The following RYR3 variants were observed in gnomAD, a reference collection of about 807,000 sequenced individuals.
RYR3 encodes brain ryanodine receptor-calcium release channel.
Under a neutral mutation model 584.3 loss-of-function variants are expected in RYR3, and 207 were observed. The observed-to-expected ratio is 0.35, with a 90% confidence interval of 0.32 to 0.40. The LOEUF (loss-of-function observed/expected upper bound fraction) is 0.40, where lower values mean the gene tolerates loss of function less well. Ranked by LOEUF, RYR3 falls within the 10% of genes least tolerant of loss-of-function variation. The pLI is 1.00. For synonymous variants in RYR3, 2,416 were observed against 2,248.5 expected (o/e 1.07, Z -2.11); for missense variants, 5,616 against 6,089.2 (o/e 0.92, Z 2.59).
intron 94 of RYR3, 91 bp downstream of exon 94, chr15:33,848,512 T>C: frequency 7.0e-7 from 1 of 1,429,532 alleles, no homozygotes. Flanking sequence ...AACTGGTTAA[T>C]ATAAACTGTC....
At chr15:33,341,884 A>G (rs1409381550) in intron 1 of RYR3, among the ~76,000 whole-genome samples, 1 of 152,104 alleles carries the variant, frequency 6.6e-6, no homozygotes, top group Non-Finnish European at 1.5e-5. Flanking sequence ...ATTGTAAGTC[A>G]TTTCTAGACC....
Position 33,864,207 on chromosome 15 carries a change from A to C in RYR3, c.14517+18A>C. The stretch of plus-strand genomic sequence containing the variant: ...CGGGTCAGGTGAGAAATTAAGAATC[A>C]TATACCCGTGTTAGATCTCCCTTTC... On this transcript the variant is annotated intron_variant, in intron 103 of 103. Transcript: ENST00000634891. The C allele has an allele frequency of 6.3e-7, 1 of 1,595,286 alleles. No individual in the cohort carries two copies. Among genetic ancestry groups the C allele is most frequent in the Non-Finnish European group, 8.6e-7 (1 of 1,166,642 alleles).
At chr15:33,486,979 C>T (rs1334697645) in intron 2 of RYR3, among the ~76,000 whole-genome samples, 1 of 152,114 alleles carries the variant, frequency 6.6e-6, no homozygotes, top group African/African-American at 2.4e-5. Flanking sequence ...AGATGGATCA[C>T]ATGAGGCCAG....
In RYR3 at chr15:33,390,364, GAACACTAATATTTCCA is replaced by G. The variant is rs974679934; in HGVS notation, c.51+79275_51+79290del. 2.0e-5 allele frequency among the ~76,000 whole-genome samples: 3 copies of G among 152,134 alleles called. No individual in the cohort carries two copies. The highest frequency in any genetic ancestry group is 4.4e-5 in the Non-Finnish European group (3 of 68,026). ...GTCTCTAAATTTCACCTGACCTATTGAACACTAATATTTCCAAACACTGATATTTCCAAACTGATAT... is the reference window on the plus strand; with the variant it reads ...GTCTCTAAATTTCACCTGACCTATTGAACACTGATATTTCCAAACTGATAT... On this transcript the variant is annotated intron_variant, in intron 1 of 103. Transcript: ENST00000634891. This position sits in a 1 kb window ranked among gnomAD's most constrained non-coding sequence, Gnocchi z 4.2.
At chr15:33,336,444 G>T (rs796664996) in intron 1 of RYR3, among the ~76,000 whole-genome samples, 1 of 11,780 alleles carries the variant, frequency 8.5e-5, no homozygotes, top group East Asian at 3.0e-3. Flanking sequence ...GAAAGAAAGA[G>T]AGAGAGAGAG....
At chr15:33,388,423 T>C (rs753946223) in intron 1 of RYR3, among the ~76,000 whole-genome samples, 4 of 152,050 alleles carry the variant, frequency 2.6e-5, no homozygotes, top group Non-Finnish European at 1.5e-5. Flanking sequence ...TTACTGACAA[T>C]TAGTTATGAT....
rs1401643589 is a variant in RYR3, at chr15:33,825,651, G to A, written c.11121G>A (p.Leu3707=). The part of the protein sequence containing the change: ...AFERQNKAEG[L]GMVTEEGTLI... ...AGAGGCAGAATAAAGCTGAAGGCCT[G>A]GGGATGGTGACTGAAGAAGGAACAC... is the stretch of plus-strand genomic sequence containing the variant. Residue 3707 remains leucine, a synonymous_variant, in exon 82 of 104, where the codon CTG becomes CTA. Coordinates refer to ENST00000634891, the MANE Select transcript of RYR3 (RefSeq NM_001036.6). 2 of 1,611,366 alleles carry A rather than the reference G, an allele frequency of 1.2e-6. No homozygotes were observed. Among genetic ancestry groups the A allele is most frequent in the South Asian group, 2.2e-5 (2 of 90,978 alleles).
rs143399914 is a variant in RYR3 at position 33,440,589 on chromosome 15, G to A, written c.52-32830G>A. Among the ~76,000 whole-genome samples the A allele has an allele frequency of 1.1e-3, 171 of 152,274 alleles. 2 individuals carry two copies. The highest frequency in any genetic ancestry group is 3.9e-3 in the African/African-American group (162 of 41,552). On this transcript the variant is annotated intron_variant, in intron 1 of 103. Transcript: ENST00000634891. Reference sequence around the variant, plus strand: ...TGCACAGAGCAGCCTTCATAACAAAGAATGATCTGATCCAAAATGTCAGTA... The same window carrying A: ...TGCACAGAGCAGCCTTCATAACAAAAAATGATCTGATCCAAAATGTCAGTA...
chr15:33,734,910 C>A (rs139500896), intron 48 of RYR3, among the ~76,000 whole-genome samples: 3 of 151,928 alleles, frequency 2.0e-5, no homozygotes, highest in Admixed American at 6.6e-5. Flanking sequence ...AGGCTGGTCT[C>A]GAACTCCTGA....
At chr15:33,853,769 T>TTGTTCTCTCAGGCTGTGGTCTGGCTTAGG (rs2079351520) in intron 96 of RYR3, 87 bp downstream of exon 96, 1 of 1,513,906 alleles carries the variant, frequency 6.6e-7, no homozygotes, top group Admixed American at 2.0e-5. Flanking sequence ...AACCGTGTCT[T>TTGTTCTCTCAGGCTGTGGTCTGGCTTAGG]TGTTCTCTCA....
At chr15:33,632,219 C>T (rs902020365) in intron 23 of RYR3, among the ~76,000 whole-genome samples, 1 of 152,244 alleles carries the variant, frequency 6.6e-6, no homozygotes, top group African/African-American at 2.4e-5. Context: ...CTGGCCCTGG[C>T]CTAGGCAGTC....
intron 2 of RYR3, among the ~76,000 whole-genome samples, chr15:33,497,675 T>A (rs1168009748): frequency 3.9e-5 from 6 of 152,250 alleles, no homozygotes; most frequent in Admixed American, 2.0e-4. Flanking sequence ...CAAATCAGGC[T>A]AATTAGCACA....
At chr15:33,671,082 C>T (rs75847749) in intron 38 of RYR3, among the ~76,000 whole-genome samples, 1 of 152,102 alleles carries the variant, frequency 6.6e-6, no homozygotes, top group South Asian at 2.1e-4. Context: ...TATTTTTCAA[C>T]AATGCCGAGC....
chr15:33,788,268 C>A lies in RYR3; in HGVS notation c.9640C>A (p.His3214Asn). 17 of 1,613,990 alleles carry A rather than the reference C, an allele frequency of 1.1e-5. No homozygotes were observed. Among genetic ancestry groups the A allele is most frequent in the Non-Finnish European group, 1.4e-5 (17 of 1,179,868 alleles). Residue 3214 changes from histidine to asparagine, a missense_variant, in exon 67 of 104, where the codon CAC becomes AAC. By Grantham distance (68) the His-to-Asn change is moderately conservative. Around this residue, in one of 9 missense-constraint regions of RYR3, gnomAD observed 954 missense variants for 1,132.2 expected, o/e 0.84. Coordinates refer to ENST00000634891, the MANE Select transcript of RYR3 (RefSeq NM_001036.6). ...SKARPDLLRS[H>N]FIPTLEKLKK... ...AGCCAGGCCCGACCTGCTGAGAAGCCACTTCATCCCAACTCTGGAGAAGCT... is the reference window on the plus strand; with the variant it reads ...AGCCAGGCCCGACCTGCTGAGAAGCAACTTCATCCCAACTCTGGAGAAGCT...
Position 33,644,885 on chromosome 15 carries a change from A to G in RYR3, c.3765+366A>G, listed in dbSNP as rs565360262. On this transcript the variant is annotated intron_variant, in intron 28 of 103. Transcript: ENST00000634891. ...GTTCGGGCTGGGTGTGGTGGCTCAC[A>G]CGTGTAATCCCAGCTACTTGGGAGG... is the stretch of plus-strand genomic sequence containing the variant. Among the ~76,000 whole-genome samples the G allele has an allele frequency of 2.7e-4, 41 of 151,818 alleles. No individual in the cohort carries two copies. The South Asian group carries it at 7.9e-3, about 29-fold the overall frequency.
chr15:33,692,369 T>C (rs1483916908), intron 38 of RYR3, among the ~76,000 whole-genome samples: 1 of 152,198 alleles, frequency 6.6e-6, no homozygotes, highest in African/African-American at 2.4e-5. Flanking sequence ...GGGTCTCTAG[T>C]ATATGTCAGA....
rs758997949 is a variant in RYR3 at position 33,670,512 on chromosome 15, A to G, written c.5816A>G (p.Lys1939Arg). 6.2e-7 allele frequency: 1 copy of G among 1,602,494 alleles called. No individual in the cohort carries two copies. The highest frequency in any genetic ancestry group is 1.1e-5 in the South Asian group (1 of 88,600). Residue 1939 changes from lysine (K) to arginine (R), a missense_variant, in exon 38 of 104, where the codon AAG (lysine) becomes AGG (arginine). Coordinates refer to ENST00000634891, the MANE Select transcript of RYR3 (RefSeq NM_001036.6). ...ALVYKIKGPP[K>R]PEKEQPTEEE... ...GTTTACAAAATCAAAGGCCCACCCA[A>G]GCCAGAGAAGGAGCAGCCGACGGAG...
Position 33,579,341 on chromosome 15 carries a change from A to G in RYR3, c.1269-635A>G, listed in dbSNP as rs8040115. ...CGTGATGAGAAAAACACATGCAGAG[A>G]TCTCAGAAGACACATAGAGACGTGG... On this transcript the variant is annotated intron_variant, in intron 12 of 103. Coordinates refer to ENST00000634891, the MANE Select transcript of RYR3 (RefSeq NM_001036.6). 6.7e-3 allele frequency among the ~76,000 whole-genome samples: 1,025 copies of G among 152,284 alleles called. 11 individuals are homozygous for G. The highest frequency in any genetic ancestry group is 0.022 in the African/African-American group (933 of 41,542).
At chr15:33,670,169 G>A (rs1177409594) in intron 37 of RYR3, among the ~76,000 whole-genome samples, 1 of 152,088 alleles carries the variant, frequency 6.6e-6, no homozygotes, top group East Asian at 1.9e-4. Context: ...CAGAGGTTTT[G>A]GGGGTACAGA....
Sources: allele counts gnomAD v4.1 joint callset (sites outside exome capture counted in the v4.1 genomes callset), GRCh38; gene constraint gnomAD v4.1.1; regional missense constraint gnomAD v4.1.1; non-coding constraint Gnocchi (gnomAD v3.1); transcripts MANE v1.5; gene names NCBI Gene and HGNC (gene_info 2026-07-23, HGNC 2026-07-21).